KCNN2: variants seen among roughly 807,000 people sequenced by gnomAD.
KCNN2 encodes the protein potassium calcium-activated channel subfamily N member 2, also known as small conductance calcium-activated potassium channel protein 2.
KCNN2 carries 24 observed loss-of-function variants against 55.5 expected under a neutral mutation model. The observed-to-expected ratio is 0.43, with a 90% CI of 0.31 to 0.61. The LOEUF is 0.61. Among genes scored for constraint, KCNN2 ranks in the 20% least tolerant of loss-of-function variants. The pLI, the probability that KCNN2 is intolerant of heterozygous loss-of-function variation, is 0.08. For missense variants in KCNN2, 754 were observed against 853.6 expected, an observed-to-expected ratio of 0.88 and a Z score of 1.45; for synonymous variants, 431 against 336.1, an observed-to-expected ratio of 1.28 and a Z score of -3.09.
At chr5:114,320,893 G>A (rs959416541) in intron 2 of KCNN2, among the ~76,000 whole-genome samples, 2 of 152,100 alleles carry the variant, frequency 1.3e-5, no homozygotes, top group Admixed American at 6.5e-5. Flanking sequence ...TCATTGAAAT[G>A]TTAGCTTTTT....
At chr5:114,132,079 TTGTC>T (rs1180744041) in intron 1 of KCNN2, among the ~76,000 whole-genome samples, 1 of 152,196 alleles carries the variant, frequency 6.6e-6, no homozygotes, top group Non-Finnish European at 1.5e-5. Context: ...ATTCTGTAGT[TTGTC>T]TGTTCACTCT....
At chr5:114,147,548 A>G (rs930004380) in intron 1 of KCNN2, among the ~76,000 whole-genome samples, 1 of 152,194 alleles carries the variant, frequency 6.6e-6, no homozygotes, top group Non-Finnish European at 1.5e-5. Context: ...AGGAAAAACT[A>G]AATTTGTAAA....
At chr5:114,241,530 G>T (rs1341531614) in intron 2 of KCNN2, among the ~76,000 whole-genome samples, 1 of 151,102 alleles carries the variant, frequency 6.6e-6, no homozygotes, top group African/African-American at 2.4e-5. Flanking sequence ...ACATGGTAAG[G>T]ATAAAATTTA....
intron 1 of KCNN2, among the ~76,000 whole-genome samples, chr5:114,074,622 T>C (rs532111354): frequency 6.6e-6 from 1 of 152,322 alleles, no homozygotes; most frequent in African/African-American, 2.4e-5. Context: ...TCCACTCTGC[T>C]CCAACCCTGT....
chr5:114,285,983 G>C (rs549668882), intron 2 of KCNN2, among the ~76,000 whole-genome samples: 15 of 149,286 alleles, frequency 1.0e-4, no homozygotes, highest in Non-Finnish European at 2.1e-4. Context: ...GCAATGGCAT[G>C]ATCTCGACTC....
intron 1 of KCNN2, among the ~76,000 whole-genome samples, chr5:114,141,879 C>T (rs1338461818): frequency 6.6e-6 from 1 of 152,118 alleles, no homozygotes; most frequent in East Asian, 1.9e-4. Flanking sequence ...CTCTGATGGC[C>T]AGTGATGATG....
chr5:114,365,950 A>G (rs1203925214), intron 2 of KCNN2, among the ~76,000 whole-genome samples: 6 of 152,218 alleles, frequency 3.9e-5, no homozygotes, highest in Non-Finnish European at 8.8e-5. Flanking sequence ...TGGTATTAAC[A>G]TCAAAAACAA....
chr5:114,321,952 C>T (rs758585657), intron 2 of KCNN2, among the ~76,000 whole-genome samples: 12 of 152,164 alleles, frequency 7.9e-5, no homozygotes, highest in Non-Finnish European at 1.5e-4. Flanking sequence ...ACCTGGCCGT[C>T]ACTGGATATT....
chr5:114,134,764 C>T (rs1486320391), intron 1 of KCNN2, among the ~76,000 whole-genome samples: 7 of 152,188 alleles, frequency 4.6e-5, no homozygotes, highest in Non-Finnish European at 7.3e-5. Context: ...CGTGAGCCAC[C>T]GCACCCAGCC....
At chr5:114,064,108 A>G (rs903580719) in intron 1 of KCNN2, among the ~76,000 whole-genome samples, 1 of 152,180 alleles carries the variant, frequency 6.6e-6, no homozygotes, top group Non-Finnish European at 1.5e-5. Flanking sequence ...TGGCTTGGGG[A>G]GTGGCCTGGA....
chr5:114,362,661 C>T lies in KCNN2; in HGVS notation c.522C>T (p.Gly174=). The change falls in exon 1 of 8, where the codon GGC becomes GGT. Residue 174 remains glycine, a synonymous_variant. Transcript: ENST00000673685. ...QPAASPTGSL[G]SLGSGPPLSH... ...CCGCCAGCCCCACGGGCAGCCTCGG[C>T]AGTCTGGGCTCCGGGCCCCCGCTCT... The T allele has an allele frequency of 7.3e-7, 1 of 1,378,960 alleles. No homozygotes were observed. The highest frequency in any genetic ancestry group is 9.5e-7 in the Non-Finnish European group (1 of 1,049,916). 85.4% of individuals were successfully genotyped at this position (1,378,960 alleles called of 1,614,324 possible).
chr5:114,451,336 G>C (rs1760666455), intron 3 of KCNN2, among the ~76,000 whole-genome samples: 1 of 152,106 alleles, frequency 6.6e-6, no homozygotes, highest in African/African-American at 2.4e-5. Context: ...AGACAAAAAA[G>C]TAAGTTGTCT....
At chr5:114,323,007 GT>G (rs1756640686) in intron 2 of KCNN2, among the ~76,000 whole-genome samples, 1 of 152,090 alleles carries the variant, frequency 6.6e-6, no homozygotes, top group South Asian at 2.1e-4. Flanking sequence ...CCTTCTTTGT[GT>G]TCATAAGTGC....
chr5:114,056,282 G>T (rs142417890), exon 1 of KCNN2: 253 of 398,056 alleles, frequency 6.4e-4, no homozygotes, highest in African/African-American at 3.2e-3. Context: ...CTCCCGGGCC[G>T]CAAGCAGGCA....
chr5:114,458,902 T>C (rs1761058489), intron 3 of KCNN2, among the ~76,000 whole-genome samples: 1 of 152,158 alleles, frequency 6.6e-6, no homozygotes, highest in Non-Finnish European at 1.5e-5. Context: ...GAAAGAGAGC[T>C]GTGAAGGATA....
In KCNN2 at chr5:114,139,384, T is replaced by C. The variant is rs182383138; in HGVS notation, c.-270-82096T>C. ...TTATATGATGCACAGAAGTCTGAAA[T>C]TGGTCTGGCTTCCTCTCCACTTCTT... On this transcript the variant is annotated intron_variant, in intron 1 of 10. Coordinates refer to the KCNN2 transcript ENST00000512097. Among the ~76,000 whole-genome samples the C allele has an allele frequency of 3.9e-5, 6 of 152,044 alleles. No homozygotes were observed. The East Asian group carries it at 7.7e-4, about 20-fold the overall frequency.
At chr5:114,298,754 A>G (rs948124042) in intron 2 of KCNN2, among the ~76,000 whole-genome samples, 2 of 152,174 alleles carry the variant, frequency 1.3e-5, no homozygotes, top group Admixed American at 6.5e-5. Flanking sequence ...CTATAATTCA[A>G]ATTCACTATT....
chr5:114,178,291 A>G (rs1208944899), intron 1 of KCNN2, among the ~76,000 whole-genome samples: 1 of 152,238 alleles, frequency 6.6e-6, no homozygotes, highest in African/African-American at 2.4e-5. Context: ...TGAGAGTTCC[A>G]TAAACTGCCA....
At chr5:114,363,329 G>C (rs1033393009) in intron 1 of KCNN2, 68 bp downstream of exon 1, 4 of 1,463,552 alleles carry the variant, frequency 2.7e-6, no homozygotes, top group Non-Finnish European at 2.7e-6. Flanking sequence ...GGCACTGGCG[G>C]GGACCCTTTG....
Sources: allele counts gnomAD v4.1 joint callset (sites outside exome capture counted in the v4.1 genomes callset), GRCh38; gene constraint gnomAD v4.1.1; transcripts MANE v1.5; gene names NCBI Gene and HGNC (gene_info 2026-07-23, HGNC 2026-07-21).